The following NPAS3 variants were observed in gnomAD, a reference collection of about 807,000 sequenced individuals.
NPAS3 encodes neuronal PAS domain protein 3, also known as neuronal PAS domain-containing protein 3.
Under a neutral mutation model 73.1 loss-of-function variants are expected in NPAS3, and 14 were observed. The ratio of observed to expected loss-of-function variants is 0.19; its 90% CI spans 0.13 to 0.30. The LOEUF is 0.30. Ranked by LOEUF, NPAS3 falls within the 10% of genes least tolerant of loss-of-function variation. The pLI, the probability that NPAS3 is intolerant of heterozygous loss-of-function variation, is 1.00. For synonymous variants in NPAS3, 620 were observed against 541.5 expected (o/e 1.14, Z -2.01); for missense variants, 1,096 against 1,250.0 (o/e 0.88, Z 1.86).
intron 5 of NPAS3, among the ~76,000 whole-genome samples, chr14:33,637,296 G>A (rs573074383): frequency 1.3e-5 from 2 of 152,122 alleles, no homozygotes; most frequent in Non-Finnish European, 2.9e-5. Context: ...CACTCACTCT[G>A]GCATATGATT....
At chr14:33,742,611 G>A (rs1248941723) in intron 7 of NPAS3, among the ~76,000 whole-genome samples, 4 of 152,216 alleles carry the variant, frequency 2.6e-5, no homozygotes, top group Admixed American at 1.3e-4. Flanking sequence ...ACTGATCAGG[G>A]TGGTGGTTGC....
chr14:33,427,239 A>G (rs763593684), intron 4 of NPAS3, among the ~76,000 whole-genome samples: 50 of 152,138 alleles, frequency 3.3e-4, no homozygotes, highest in Middle Eastern at 3.4e-3. Flanking sequence ...CTCTGCTTAT[A>G]TGCATGCAAA....
intron 1 of NPAS3, among the ~76,000 whole-genome samples, chr14:32,993,821 G>C (rs1388191018): frequency 6.6e-6 from 1 of 152,152 alleles, no homozygotes; most frequent in Non-Finnish European, 1.5e-5. Context: ...CCTTTTAAAA[G>C]ACCGATATAT....
intron 2 of NPAS3, among the ~76,000 whole-genome samples, chr14:33,139,225 G>T (rs2043953844): frequency 3.3e-5 from 5 of 152,118 alleles, no homozygotes; most frequent in Admixed American, 3.3e-4. Context: ...TCCAACTATA[G>T]GATTTTGAGA....
intron 1 of NPAS3, among the ~76,000 whole-genome samples, chr14:32,986,270 G>A (rs1276949628): frequency 6.6e-6 from 1 of 152,176 alleles, no homozygotes; most frequent in Admixed American, 6.5e-5. Context: ...AGAACAGGGT[G>A]GGAATGTTCT....
At chr14:32,951,048 C>G (rs1595075142) in intron 1 of NPAS3, among the ~76,000 whole-genome samples, 2 of 152,086 alleles carry the variant, frequency 1.3e-5, no homozygotes, top group South Asian at 2.1e-4. Flanking sequence ...TGAATTACCA[C>G]TGGTTACTTG....
chr14:33,509,433 A>C (rs1305410195), intron 4 of NPAS3, among the ~76,000 whole-genome samples: 1 of 152,052 alleles, frequency 6.6e-6, no homozygotes, highest in Non-Finnish European at 1.5e-5. Context: ...TCCAGTAGCT[A>C]CTTGAAAGCA....
At chr14:33,220,991 C>T (rs1382756896) in intron 3 of NPAS3, among the ~76,000 whole-genome samples, 1 of 152,174 alleles carries the variant, frequency 6.6e-6, no homozygotes, top group African/African-American at 2.4e-5. Context: ...CTAAGTGGCA[C>T]ACAACAACAA....
chr14:33,399,519 C>T (rs777118646), intron 4 of NPAS3, among the ~76,000 whole-genome samples: 3 of 152,084 alleles, frequency 2.0e-5, no homozygotes, highest in Non-Finnish European at 4.4e-5. Context: ...AGTGTGGGAA[C>T]TCTATAGATG....
intron 5 of NPAS3, among the ~76,000 whole-genome samples, chr14:33,563,356 G>T (rs2055746058): frequency 7.4e-6 from 1 of 136,008 alleles, no homozygotes. Context: ...TTTTCTCTTT[G>T]ACTCTCCCTT....
chr14:33,416,290 A>C lies in NPAS3; in HGVS notation c.468+49022A>C, dbSNP rs116008166. 5.9e-3 allele frequency among the ~76,000 whole-genome samples: 899 copies of C among 152,142 alleles called. 6 individuals carry two copies. The highest frequency in any genetic ancestry group is 0.021 in the African/African-American group (859 of 41,552). On this transcript the variant is annotated intron_variant, in intron 4 of 11. Transcript: ENST00000356141. The stretch of plus-strand genomic sequence containing the variant: ...ACAACAAGAACTCTATTCCCTGGAG[A>C]TCTCTAAAGGGAAAAAAAATAATTT...
chr14:33,275,885 GTCC>G (rs897313802), intron 3 of NPAS3, among the ~76,000 whole-genome samples: 27 of 152,270 alleles, frequency 1.8e-4, no homozygotes, highest in Non-Finnish European at 3.7e-4. Flanking sequence ...CTATATGTGA[GTCC>G]TTAGATATGA....
At chr14:33,682,219 T>A (rs149917571) in intron 6 of NPAS3, among the ~76,000 whole-genome samples, 12 of 152,306 alleles carry the variant, frequency 7.9e-5, no homozygotes, top group Admixed American at 4.6e-4. Flanking sequence ...CTCTGATGGA[T>A]TGATTTAAAA....
chr14:33,517,858 C>T (rs1338315862), intron 4 of NPAS3, among the ~76,000 whole-genome samples: 1 of 152,086 alleles, frequency 6.6e-6, no homozygotes, highest in African/African-American at 2.4e-5. Flanking sequence ...GCATATAGCA[C>T]AGCACCTGGC....
chr14:33,164,474 A>T (rs1259459570), intron 2 of NPAS3, among the ~76,000 whole-genome samples: 1 of 152,112 alleles, frequency 6.6e-6, no homozygotes, highest in African/African-American at 2.4e-5. Flanking sequence ...TTCTAAATTT[A>T]TGATTATTTG....
chr14:33,401,491 T>A (rs2047442998), intron 4 of NPAS3, among the ~76,000 whole-genome samples: 1 of 152,072 alleles, frequency 6.6e-6, no homozygotes, highest in African/African-American at 2.4e-5. Flanking sequence ...ATTAGTAATG[T>A]CATGCTCCTC....
intron 3 of NPAS3, among the ~76,000 whole-genome samples, chr14:33,330,532 T>G (rs1202970498): frequency 1.3e-5 from 2 of 152,216 alleles, no homozygotes; most frequent in Admixed American, 6.5e-5. Flanking sequence ...TTCAGTACAC[T>G]CTTTAAGTTC....
chr14:33,414,544 G>A (rs2138947880), intron 4 of NPAS3, among the ~76,000 whole-genome samples: 1 of 152,124 alleles, frequency 6.6e-6, no homozygotes, highest in South Asian at 2.1e-4. Context: ...GCCCATTACT[G>A]ATAAGTTTTA....
At chr14:33,243,802 A>T (rs928957972) in intron 3 of NPAS3, among the ~76,000 whole-genome samples, 2 of 152,012 alleles carry the variant, frequency 1.3e-5, no homozygotes, top group Non-Finnish European at 2.9e-5. Flanking sequence ...AGGCTGAAGG[A>T]TGAGTAAGAG....
Sources: gnomAD v4.1 joint callset for allele counts (sites outside exome capture counted in the v4.1 genomes callset) on GRCh38, gnomAD v4.1.1 for gene constraint, MANE v1.5 for transcripts, NCBI Gene and HGNC (gene_info 2026-07-23, HGNC 2026-07-21) for gene names.